RFPL2: variants seen among roughly 807,000 people sequenced by gnomAD.
RFPL2 encodes ret finger protein-like 2.
A neutral mutation model predicts 17.8 loss-of-function variants in RFPL2; 13 were observed. That is an observed-to-expected ratio of 0.73 (90% CI 0.47 to 1.16). RFPL2 has a LOEUF of 1.16. Among genes scored for constraint, RFPL2 ranks in the 50% most tolerant of loss-of-function variants. RFPL2 has a pLI of 0.00. For missense variants in RFPL2, 431 were observed against 479.3 expected (o/e 0.90, Z 0.94); for synonymous variants, 189 against 180.9 (o/e 1.04, Z -0.36).
chr22:32,202,279 C>A, intron 2 of RFPL2, 54 bp downstream of exon 2: 1 of 1,550,196 alleles, frequency 6.5e-7, no homozygotes, highest in Non-Finnish European at 8.7e-7. Flanking sequence ...TTCCTCTTTC[C>A]CTTATAAAGA....
chr22:32,196,468 AGT>A lies in RFPL2; in HGVS notation c.120-1980_120-1979del, dbSNP rs1290648139. Among the ~76,000 whole-genome samples the A allele has an allele frequency of 1.4e-4, 22 of 152,312 alleles. No individual in the cohort carries two copies. The East Asian group carries it at 4.1e-3, about 28-fold the overall frequency. ...AGCAAGAAAACAAGGCTTGGGAGACAGTGTGTAGGGAGCCAGGTTAACTTTAC... is the reference window on the plus strand; with the variant it reads ...AGCAAGAAAACAAGGCTTGGGAGACAGTGTAGGGAGCCAGGTTAACTTTAC... On this transcript the variant is annotated intron_variant, in intron 2 of 4. Transcript: ENST00000652607.
intron 2 of RFPL2, among the ~76,000 whole-genome samples, chr22:32,196,815 A>G (rs1481397644): frequency 6.6e-6 from 1 of 152,220 alleles, no homozygotes; most frequent in Non-Finnish European, 1.5e-5. Flanking sequence ...CAGGGCACAG[A>G]GAGCCAGCAA....
At chr22:32,198,310 A>T (rs1923562201) in intron 2 of RFPL2, among the ~76,000 whole-genome samples, 1 of 152,074 alleles carries the variant, frequency 6.6e-6, no homozygotes, top group Admixed American at 6.5e-5. Flanking sequence ...CCTGATCCAG[A>T]CACAAACTTC....
chr22:32,193,139 A>C lies in RFPL2; in HGVS notation c.319T>G (p.Tyr107Asp). The change falls in exon 4 of 5, where the codon TAT becomes GAT. Residue 107 changes from tyrosine (Y) to aspartate (D), a missense_variant. By Grantham distance (160) the Tyr-to-Asp change is radical. Transcript: ENST00000652607. ...TCCAGGGACATTGGTTTTTCCAGAT[A>C]GTCTGAGCAGACGGGACAGCTGCTT... Reference protein sequence around the residue: ...EASSCPVCSDYLEKPMSLECG... With the variant: ...EASSCPVCSDDLEKPMSLECG... 6.2e-7 allele frequency: 1 copy of C among 1,613,984 alleles called. No homozygotes were observed. Among genetic ancestry groups the C allele is most frequent in the East Asian group, 2.2e-5 (1 of 44,884 alleles).
intron 2 of RFPL2, among the ~76,000 whole-genome samples, chr22:32,199,353 A>T (rs1230277416): frequency 6.6e-6 from 1 of 152,168 alleles, no homozygotes; most frequent in East Asian, 1.9e-4. Context: ...CAAGGCAGAA[A>T]AACTGTAGAT....
chr22:32,193,034 A>C lies in RFPL2; in HGVS notation c.424T>G (p.Ser142Ala), dbSNP rs1281879979. Residue 142 changes from serine to alanine, a missense_variant, in exon 4 of 5, where the codon TCT becomes GCT. Physicochemically the swap from Ser to Ala is moderately conservative, Grantham distance 99. Transcript: ENST00000652607. Reference sequence around the variant, plus strand: ...TTGTTCTTCCGAGAGACCATGGAAGAGCAACAGCAAAGTAGATCCTCCCCA... The same window carrying C: ...TTGTTCTTCCGAGAGACCATGGAAGCGCAACAGCAAAGTAGATCCTCCCCA... ...PHGEDLLCCCSSMVSRKNKIR... is the reference protein window; with the variant it reads ...PHGEDLLCCCASMVSRKNKIR... 1 of 1,613,938 alleles carries C rather than the reference A, an allele frequency of 6.2e-7. No individual in the cohort carries two copies. Among genetic ancestry groups the C allele is most frequent in the Non-Finnish European group, 8.5e-7 (1 of 1,179,980 alleles).
chr22:32,196,444 G>A (rs1390411892), intron 2 of RFPL2, among the ~76,000 whole-genome samples: 1 of 152,158 alleles, frequency 6.6e-6, no homozygotes, highest in Non-Finnish European at 1.5e-5. Context: ...CAGTGTCTGA[G>A]CAAGAAAACA....
In RFPL2 at chr22:32,204,739, GA is replaced by G. The variant is rs1210406823; in HGVS notation, c.-133del. 6.6e-6 allele frequency among the ~76,000 whole-genome samples: 1 copy of G among 152,242 alleles called. No homozygotes were observed. The highest frequency in any genetic ancestry group is 1.5e-5 in the Non-Finnish European group (1 of 68,044). ...TGGAGCAGATGGGCTGGCAGACGCA[GA>G]AGTGCCTGGAATGGCAAGAACCCCT... On this transcript the variant is annotated 5_prime_UTR_variant, in exon 1 of 5. Coordinates refer to ENST00000652607, the MANE Select transcript of RFPL2 (RefSeq NM_001394555.1).
At chr22:32,195,783 G>C (rs1923266314) in intron 2 of RFPL2, among the ~76,000 whole-genome samples, 1 of 152,026 alleles carries the variant, frequency 6.6e-6, no homozygotes, top group Non-Finnish European at 1.5e-5. Context: ...TTTGTGATGG[G>C]AGCCTTCAGA....
rs570941533 is a variant in RFPL2 at position 32,191,652 on chromosome 22, C to A, written c.557-300G>T. Among the ~76,000 whole-genome samples, 9 of 152,280 alleles carry A rather than the reference C, an allele frequency of 5.9e-5. No homozygotes were observed. In the East Asian group the frequency reaches 1.4e-3, roughly 23 times the overall value. ...TCTTTGAAGGCAGACACCATGCCCC[C>A]CTTTCTACCACCTTGATGCATGAAC... On this transcript the variant is annotated intron_variant, in intron 4 of 4. Coordinates refer to ENST00000652607, the MANE Select transcript of RFPL2 (RefSeq NM_001394555.1).
chr22:32,195,011 G>T (rs552519425), intron 2 of RFPL2, among the ~76,000 whole-genome samples: 348 of 152,252 alleles, frequency 2.3e-3, no homozygotes, highest in Non-Finnish European at 3.5e-3. Context: ...AAAAAAAGAT[G>T]ATTTTCTTGT....
rs142520857 is a variant in RFPL2, at chr22:32,191,299, C to T, written c.610G>A (p.Asp204Asn). 8,443 of 1,613,738 alleles carry T rather than the reference C, an allele frequency of 5.2e-3. 243 individuals carry two copies. The African/African-American group carries it at 0.063, about 12-fold the overall frequency. ...CGCCCACTTCGGACGCTCCTGAGGT[C>T]GTCAGAAATGAGGAGGAAGTTGTTG... Reference protein sequence around the residue: ...TANNFLLISDDLRSVRSGRIR... With the variant: ...TANNFLLISDNLRSVRSGRIR... Residue 204 changes from aspartate to asparagine, a missense_variant, in exon 5 of 5, where the codon GAC becomes AAC. Coordinates refer to ENST00000652607, the MANE Select transcript of RFPL2 (RefSeq NM_001394555.1).
intron 3 of RFPL2, among the ~76,000 whole-genome samples, chr22:32,194,120 A>G (rs979145052): frequency 3.9e-5 from 6 of 152,082 alleles, no homozygotes; most frequent in African/African-American, 1.4e-4. Context: ...AAATAAAAAA[A>G]ATTACATCCT....
At chr22:32,193,257 A>G in intron 3 of RFPL2, 65 bp from the exon 4 acceptor site, 10 of 1,613,468 alleles carry the variant, frequency 6.2e-6, no homozygotes, top group Non-Finnish European at 8.5e-6. Context: ...TAGTTGTGAC[A>G]AGTGACAACC....
chr22:32,203,400 T>G (rs1244093637), intron 1 of RFPL2: 1 of 148,440 alleles, frequency 6.7e-6, no homozygotes, highest in East Asian at 2.1e-4. Flanking sequence ...ATAGCGCCCC[T>G]AAAACGCCTC....
rs189034817 is a variant in RFPL2, at chr22:32,202,467, G to A, written c.-16C>T. 93 of 1,574,816 alleles carry A rather than the reference G, an allele frequency of 5.9e-5. No homozygotes were observed. In the African/African-American group the frequency reaches 9.2e-4, roughly 16 times the overall value. On this transcript the variant is annotated 5_prime_UTR_variant, in exon 2 of 5. Coordinates refer to ENST00000652607, the MANE Select transcript of RFPL2 (RefSeq NM_001394555.1). ...CCACCTCCATCGGAGGCAAATCATG[G>A]TGCCACAGGCTCTAGCCTCCAGCCC...
At chr22:32,204,482 C>G (rs1924330412) in intron 1 of RFPL2, among the ~76,000 whole-genome samples, 1 of 152,226 alleles carries the variant, frequency 6.6e-6, no homozygotes, top group Non-Finnish European at 1.5e-5. Context: ...TCAATCCGCC[C>G]CCGCTCCCAC....
intron 3 of RFPL2, 178 bp from the exon 4 acceptor site, chr22:32,193,370 T>G: frequency 3.3e-6 from 5 of 1,535,642 alleles, no homozygotes; most frequent in Non-Finnish European, 1.8e-6. Context: ...CTTCAGAGAT[T>G]TGAAGTTCTA....
At chr22:32,191,480 A>C in intron 4 of RFPL2, 128 bp from the exon 5 acceptor site, 2 of 1,196,828 alleles carry the variant, frequency 1.7e-6, no homozygotes, top group Non-Finnish European at 2.3e-6. Context: ...CAAAATCCAA[A>C]CTTCATGAGG....
Sources: allele counts gnomAD v4.1 joint callset (sites outside exome capture counted in the v4.1 genomes callset), GRCh38; gene constraint gnomAD v4.1.1; transcripts MANE v1.5; gene names NCBI Gene and HGNC (gene_info 2026-07-23, HGNC 2026-07-21).